Variants in DNAH14 observed in about 807,000 individuals in gnomAD.
DNAH14 encodes axonemal beta dynein heavy chain 14.
DNAH14 carries 478 observed loss-of-function variants against 520.9 expected under a neutral mutation model. The ratio of observed to expected loss-of-function variants is 0.92; its 90% CI spans 0.85 to 0.99. The LOEUF (loss-of-function observed/expected upper bound fraction) is 0.99. Ranked by LOEUF, DNAH14 falls within the 50% of genes least tolerant of loss-of-function variation. DNAH14 has a pLI of 0.00. For missense variants in DNAH14, 4,831 were observed against 5,234.5 expected (o/e 0.92, Z 2.38); for synonymous variants, 1,581 against 1,757.2 (o/e 0.90, Z 2.51).
At chr1:225,299,833 G>C (rs901454975) in intron 55 of DNAH14, among the ~76,000 whole-genome samples, 1 of 152,082 alleles carries the variant, frequency 6.6e-6, no homozygotes, top group Non-Finnish European at 1.5e-5. Context: ...CACATATGAG[G>C]TGAGACAGGA....
chr1:225,033,477 G>A (rs969211241), intron 11 of DNAH14, among the ~76,000 whole-genome samples: 5 of 152,126 alleles, frequency 3.3e-5, no homozygotes, highest in African/African-American at 1.2e-4. Flanking sequence ...TTTGGTCACT[G>A]TAGCCTTGTA....
intron 8 of DNAH14, among the ~76,000 whole-genome samples, chr1:224,992,948 C>A (rs981314488): frequency 1.3e-5 from 2 of 151,976 alleles, no homozygotes; most frequent in African/African-American, 2.4e-5. Context: ...TTTTTCTGCA[C>A]CTGATGAGAT....
At chr1:225,353,041 A>G (rs1417282831) in intron 72 of DNAH14, among the ~76,000 whole-genome samples, 2 of 152,100 alleles carry the variant, frequency 1.3e-5, no homozygotes, top group Non-Finnish European at 1.5e-5. Context: ...ATAACCCCAA[A>G]TTATCCATTT....
Position 225,337,374 on chromosome 1 carries a change from C to A in DNAH14, c.10189C>A (p.Gln3397Lys). ...QWPLLIDPHR[Q>K]AHKWIRQMEG... ...GCCACTGCTGATTGACCCACATAGG[C>A]AAGCTCACAAATGGATCCGTCAGAT... is the stretch of plus-strand genomic sequence containing the variant. The change falls in exon 67 of 86, where the codon CAA (glutamine) becomes AAA (lysine). Residue 3397 changes from glutamine to lysine, a missense_variant. Transcript: ENST00000682510. 1.3e-6 allele frequency: 2 copies of A among 1,551,660 alleles called. No individual in the cohort carries two copies. Among genetic ancestry groups the A allele is most frequent in the Non-Finnish European group, 1.7e-6 (2 of 1,146,976 alleles).
At chr1:225,259,465 A>G (rs888852427) in intron 46 of DNAH14, among the ~76,000 whole-genome samples, 13 of 152,156 alleles carry the variant, frequency 8.5e-5, no homozygotes, top group African/African-American at 2.9e-4. Context: ...TGATAATTAT[A>G]TTTATGGTGT....
chr1:225,131,104 TC>T (rs2078370031), intron 27 of DNAH14, among the ~76,000 whole-genome samples: 1 of 152,182 alleles, frequency 6.6e-6, no homozygotes, highest in East Asian at 1.9e-4. Context: ...ATTGTATAAT[TC>T]CTTCAACTTC....
chr1:225,056,168 C>T (rs1403043355), intron 17 of DNAH14, among the ~76,000 whole-genome samples: 4 of 152,042 alleles, frequency 2.6e-5, no homozygotes, highest in African/African-American at 9.7e-5. Context: ...TAAAAGTGCT[C>T]CTATTTCTCC....
intron 22 of DNAH14, among the ~76,000 whole-genome samples, chr1:225,098,273 A>G (rs1353910117): frequency 1.4e-4 from 3 of 21,360 alleles, no homozygotes; most frequent in South Asian, 3.9e-3. Context: ...GGCAGTTGTT[A>G]AAAAATTCTA....
At chr1:225,276,223 AAAAG>A (rs1358601821) in intron 53 of DNAH14, 142 bp downstream of exon 53, 1 of 168,158 alleles carries the variant, frequency 5.9e-6, no homozygotes, top group Admixed American at 6.5e-5. Flanking sequence ...GCAAGAGAGA[AAAAG>A]AGAGAGAGAG....
At position 225,206,917 on chromosome 1, in the gene DNAH14, A is replaced by G. The variant is rs2087642289; in HGVS notation, c.6187-51A>G. 4 of 1,367,582 alleles carry G rather than the reference A, an allele frequency of 2.9e-6. No homozygotes were observed. In the South Asian group the frequency reaches 6.9e-5, roughly 24 times the overall value. 84.7% of individuals were successfully genotyped at this position (1,367,582 alleles called of 1,614,324 possible). A position where few individuals can be genotyped will look rare whatever the true frequency, so the allele number is the denominator to read the frequency against. On this transcript the variant is annotated intron_variant, in intron 40 of 85. Coordinates refer to ENST00000682510, the MANE Select transcript of DNAH14 (RefSeq NM_001367479.1). ...AAAGAGAGTAAGATAGTAGAAGGAT[A>G]CCATATTTTTATTTATTTACATAAG... is the stretch of plus-strand genomic sequence containing the variant.
intron 77 of DNAH14, 128 bp downstream of exon 77, chr1:225,368,160 A>C: frequency 1.3e-6 from 1 of 779,420 alleles, no homozygotes; most frequent in South Asian, 1.9e-5. Flanking sequence ...ATAACTAGGC[A>C]ATAAGGGCTA....
chr1:224,997,724 T>C (rs1196873822), intron 8 of DNAH14, among the ~76,000 whole-genome samples: 2 of 152,032 alleles, frequency 1.3e-5, no homozygotes, highest in Non-Finnish European at 2.9e-5. Flanking sequence ...ATGAATTCAA[T>C]TTTCTTTTTT....
Position 225,082,726 on chromosome 1 carries a change from T to G in DNAH14, c.3314T>G (p.Leu1105Arg), listed in dbSNP as rs1350898302. ...PLDKNCKVEN[L>R]LALKMFQYEN... ...GATAAAAACTGTAAAGTAGAGAATC[T>G]TCTAGCTCTCAAGGTAAATAAAAAT... Residue 1105 changes from leucine (L) to arginine (R), a missense_variant, in exon 20 of 86, where the codon CTT (leucine) becomes CGT (arginine). Physicochemically the swap from Leu to Arg is moderately radical, Grantham distance 102 (BLOSUM62 -2). Transcript: ENST00000682510. 6.5e-7 allele frequency: 1 copy of G among 1,544,920 alleles called. No individual in the cohort carries two copies. Among genetic ancestry groups the G allele is most frequent in the South Asian group, 1.2e-5 (1 of 82,016 alleles).
chr1:225,355,951 C>T (rs1047450504), intron 73 of DNAH14, among the ~76,000 whole-genome samples: 1 of 152,122 alleles, frequency 6.6e-6, no homozygotes, highest in African/African-American at 2.4e-5. Context: ...CTTCTGCCTC[C>T]CATCATGCTT....
intron 62 of DNAH14, among the ~76,000 whole-genome samples, chr1:225,323,406 T>G (rs183450313): frequency 1.3e-5 from 2 of 152,226 alleles, no homozygotes; most frequent in African/African-American, 4.8e-5. Flanking sequence ...ACAGTAGCAA[T>G]AGCAGGATGT....
chr1:225,300,739 TAA>T (rs539784290), intron 55 of DNAH14, 128 bp from the exon 56 acceptor site: 82 of 797,608 alleles, frequency 1.0e-4, no homozygotes, highest in Admixed American at 1.4e-4. Context: ...AGATTAGCTT[TAA>T]AAAAAAAAAT....
In DNAH14 at chr1:225,354,415, G is replaced by T. The variant is rs2095407861; in HGVS notation, c.11619+527G>T. The stretch of plus-strand genomic sequence containing the variant: ...CTATTTCTCAATTGTTTCAGAAACT[G>T]GCTGAGGGTAGAGGTTGGTGGATTA... On this transcript the variant is annotated intron_variant, in intron 73 of 85. Transcript: ENST00000682510. 1.1e-5 allele frequency: 7 copies of T among 619,744 alleles called. No homozygotes were observed. In the Admixed American group the frequency reaches 1.7e-4, roughly 15 times the overall value. 38.4% of individuals were successfully genotyped at this position (619,744 alleles called of 1,614,324 possible).
chr1:225,313,929 A>G (rs1376632023), intron 60 of DNAH14, among the ~76,000 whole-genome samples: 2 of 152,160 alleles, frequency 1.3e-5, no homozygotes, highest in Non-Finnish European at 2.9e-5. Context: ...TTTGGGGTGG[A>G]GAGTTCTGTA....
At chr1:225,345,825 A>C in intron 69 of DNAH14, 137 bp from the exon 70 acceptor site, 1 of 649,772 alleles carries the variant, frequency 1.5e-6, no homozygotes, top group Non-Finnish European at 2.5e-6. Flanking sequence ...ACCTAACTTC[A>C]TTTAAGAGCC....
Sources: allele counts gnomAD v4.1 joint callset (sites outside exome capture counted in the v4.1 genomes callset), GRCh38; gene constraint gnomAD v4.1.1; transcripts MANE v1.5; gene names NCBI Gene and HGNC (gene_info 2026-07-23, HGNC 2026-07-21).